Variants in COL15A1 observed in about 807,000 individuals in gnomAD.
COL15A1 encodes the protein collagen alpha-1(XV) chain.
Under a neutral mutation model 165.9 loss-of-function variants are expected in COL15A1, and 111 were observed. The observed-to-expected ratio is 0.67, with a 90% CI of 0.57 to 0.78. The LOEUF (loss-of-function observed/expected upper bound fraction) is 0.78, where lower values mean the gene tolerates loss of function less well. COL15A1 is among the 30% of genes least tolerant of loss of function. The pLI is 0.00. For missense variants in COL15A1, 1,745 were observed against 1,789.7 expected, an observed-to-expected ratio of 0.98 and a Z score of 0.45; for synonymous variants, 659 against 674.8, an observed-to-expected ratio of 0.98 and a Z score of 0.36.
intron 6 of COL15A1, among the ~76,000 whole-genome samples, chr9:98,999,525 TTC>T (rs1390333319): frequency 6.8e-6 from 1 of 146,266 alleles, no homozygotes; most frequent in African/African-American, 2.6e-5. Context: ...CTTCTTCTTC[TTC>T]TTTTTTTTTT....
At chr9:98,979,730 T>A (rs1282053626) in intron 2 of COL15A1, among the ~76,000 whole-genome samples, 1 of 152,164 alleles carries the variant, frequency 6.6e-6, no homozygotes, top group Non-Finnish European at 1.5e-5. Flanking sequence ...TACCAATCTT[T>A]TAACTAAAAT....
intron 9 of COL15A1, among the ~76,000 whole-genome samples, chr9:99,007,805 G>A (rs1057129158): frequency 1.3e-4 from 19 of 151,960 alleles, no homozygotes; most frequent in Non-Finnish European, 2.8e-4. Flanking sequence ...TTCAAAAATG[G>A]GGAAAAAATG....
chr9:99,040,027 C>T (rs1178610747), intron 22 of COL15A1, among the ~76,000 whole-genome samples: 1 of 152,226 alleles, frequency 6.6e-6, no homozygotes, highest in Non-Finnish European at 1.5e-5. Flanking sequence ...TGAGTGACCT[C>T]ATTGTGAGCC....
intron 36 of COL15A1, among the ~76,000 whole-genome samples, chr9:99,060,554 G>T (rs527500882): frequency 1.3e-5 from 2 of 150,758 alleles, no homozygotes; most frequent in African/African-American, 4.9e-5. Flanking sequence ...GTACAGACAC[G>T]AGCCACCACG....
chr9:99,065,554 G>A (rs1307238972), intron 39 of COL15A1, among the ~76,000 whole-genome samples: 1 of 151,414 alleles, frequency 6.6e-6, no homozygotes, highest in African/African-American at 2.4e-5. Context: ...CCTAATGGCT[G>A]GGAATGTAGA....
intron 2 of COL15A1, among the ~76,000 whole-genome samples, chr9:98,979,375 C>A (rs549917785): frequency 3.3e-5 from 5 of 152,166 alleles, no homozygotes; most frequent in Non-Finnish European, 7.3e-5. Flanking sequence ...GCCAACACAG[C>A]GTATTCTGGT....
intron 25 of COL15A1, 39 bp downstream of exon 25, chr9:99,044,675 C>G: frequency 6.2e-7 from 1 of 1,612,076 alleles, no homozygotes; most frequent in Non-Finnish European, 8.5e-7. Context: ...CATATCTGCC[C>G]CAGCTTTGCA....
rs932865226 is a variant in COL15A1 at position 99,067,041 on chromosome 9, T to C, written c.3811T>C (p.Tyr1271His). ...LSTIVRKAER[Y>H]SLPIVNLKGQ... ...CACCATTGTGAGGAAAGCAGAGAGA[T>C]ACAGCCTTCCCATAGTGAACCTCAA... Residue 1271 changes from tyrosine (Y) to histidine (H), a missense_variant, in exon 40 of 42, where the codon TAC becomes CAC. Physicochemically the swap from Tyr to His is moderately conservative, Grantham distance 83. Coordinates refer to ENST00000375001, the MANE Select transcript of COL15A1 (RefSeq NM_001855.5). 1.2e-5 allele frequency: 20 copies of C among 1,613,852 alleles called. No homozygotes were observed. The highest frequency in any genetic ancestry group is 1.7e-5 in the Admixed American group (1 of 59,956).
At chr9:98,991,742 G>A (rs771062794) in intron 5 of COL15A1, among the ~76,000 whole-genome samples, 14 of 151,808 alleles carry the variant, frequency 9.2e-5, no homozygotes, top group African/African-American at 1.5e-4. Flanking sequence ...TAATTGGTGC[G>A]TTTACAAACC....
In COL15A1 at chr9:98,989,194, G is replaced by A; in HGVS notation, c.740G>A (p.Ser247Asn). ...TCCACACAGGCATCTGGAGAGACCA[G>A]TGGGCTGCAGGAGGCAGACGGAGTA... ...PEESSASGETSGLQEADGVAE... is the reference protein window; with the variant it reads ...PEESSASGETNGLQEADGVAE... Residue 247 changes from serine (S) to asparagine (N), a missense_variant, in exon 5 of 42, where the codon AGT (serine) becomes AAT (asparagine). Coordinates refer to ENST00000375001, the MANE Select transcript of COL15A1 (RefSeq NM_001855.5). 6.2e-7 allele frequency: 1 copy of A among 1,614,158 alleles called. No individual in the cohort carries two copies. The highest frequency in any genetic ancestry group is 1.1e-5 in the South Asian group (1 of 91,078).
intron 26 of COL15A1, among the ~76,000 whole-genome samples, chr9:99,046,885 A>G (rs914638037): frequency 2.0e-5 from 3 of 152,180 alleles, no homozygotes; most frequent in African/African-American, 7.2e-5. Context: ...TTCTTTCCCT[A>G]AGAGTAATAC....
chr9:99,022,474 G>C (rs1034918966), intron 13 of COL15A1, among the ~76,000 whole-genome samples: 2 of 152,190 alleles, frequency 1.3e-5, no homozygotes, highest in African/African-American at 4.8e-5. Flanking sequence ...GTCACCAAGA[G>C]AGAAACATCC....
At chr9:99,035,512 A>G (rs545202849) in intron 19 of COL15A1, 94 bp downstream of exon 19, 1 of 1,491,998 alleles carries the variant, frequency 6.7e-7, no homozygotes, top group East Asian at 2.3e-5. Flanking sequence ...TGCCACTTTC[A>G]ATAACTCACC....
chr9:99,021,954 C>T, intron 12 of COL15A1, 137 bp from the exon 13 acceptor site: 1 of 1,178,222 alleles, frequency 8.5e-7, no homozygotes, highest in Non-Finnish European at 1.2e-6. Flanking sequence ...TTCCCTTAAG[C>T]TGTCTCTGCA....
intron 13 of COL15A1, among the ~76,000 whole-genome samples, chr9:99,022,870 C>T (rs140008709): frequency 1.4e-4 from 21 of 152,306 alleles, no homozygotes; most frequent in African/African-American, 2.9e-4. Flanking sequence ...TCTGGGTGCT[C>T]GGCCTCCTGC....
In COL15A1 at chr9:99,069,808, C is replaced by T. The variant is rs749021821; in HGVS notation, c.4089C>T (p.Asp1363=). 4.3e-6 allele frequency: 7 copies of T among 1,614,078 alleles called. No homozygotes were observed. The African/African-American group carries it at 9.3e-5, about 22-fold the overall frequency. Residue 1363 remains aspartate (D), a synonymous_variant, in exon 42 of 42, where the codon GAC becomes GAT. Coordinates refer to ENST00000375001, the MANE Select transcript of COL15A1 (RefSeq NM_001855.5). The part of the protein sequence containing the change: ...ASPLSTGKIL[D]QKAYSCANRL... The stretch of plus-strand genomic sequence containing the variant: ...CGCTGAGCACGGGGAAGATTCTGGA[C>T]CAGAAAGCATACAGCTGTGCTAATC...
At position 99,036,299 on chromosome 9, in the gene COL15A1, G is replaced by C. The variant is rs1473311360; in HGVS notation, c.2326-14G>C. 3.1e-6 allele frequency: 5 copies of C among 1,614,014 alleles called. No individual in the cohort carries two copies. The Admixed American group carries it at 6.7e-5, about 22-fold the overall frequency. On this transcript the variant is annotated splice_polypyrimidine_tract_variant and intron_variant, in intron 20 of 41. Transcript: ENST00000375001. The stretch of plus-strand genomic sequence containing the variant: ...ACAGTGAATTTTTTTCTCACTTCTT[G>C]CTGCTTTGACCAGGGAGAAAGGGGG...
At chr9:98,952,019 G>A (rs576443996) in intron 2 of COL15A1, among the ~76,000 whole-genome samples, 3 of 152,288 alleles carry the variant, frequency 2.0e-5, no homozygotes, top group African/African-American at 7.2e-5. Flanking sequence ...CTGATTAGTT[G>A]CCTGCATCCC....
chr9:99,038,632 T>C, intron 21 of COL15A1, 36 bp from the exon 22 acceptor site: 1 of 1,294,928 alleles, frequency 7.7e-7, no homozygotes, highest in South Asian at 1.2e-5. Flanking sequence ...ACACATGCCA[T>C]CCTTTGTCCT....
Sources: allele counts gnomAD v4.1 joint callset (sites outside exome capture counted in the v4.1 genomes callset), GRCh38; gene constraint gnomAD v4.1.1; transcripts MANE v1.5; gene names NCBI Gene and HGNC (gene_info 2026-07-23, HGNC 2026-07-21).